The following CCDC25 variants were observed in gnomAD, a reference collection of about 807,000 sequenced individuals.
CCDC25 encodes coiled-coil domain-containing protein 25.
A neutral mutation model predicts 35.3 loss-of-function variants in CCDC25; 16 were observed. The ratio of observed to expected loss-of-function variants is 0.45; its 90% CI spans 0.31 to 0.69. CCDC25 has a LOEUF of 0.69. CCDC25 is among the 30% of genes least tolerant of loss of function. CCDC25 has a pLI of 0.06. For synonymous variants in CCDC25, 79 were observed against 80.3 expected (o/e 0.98, Z 0.09); for missense variants, 179 against 250.7 (o/e 0.71, Z 1.93).
At chr8:27,772,415 G>T in intron 1 of CCDC25, 98 bp downstream of exon 1, 1 of 1,222,760 alleles carries the variant, frequency 8.2e-7, no homozygotes, top group African/African-American at 1.5e-5. Flanking sequence ...CATCCAGAAG[G>T]CATTTTAGAG....
chr8:27,764,453 G>GT (rs1377812085), intron 2 of CCDC25: 2 of 383,386 alleles, frequency 5.2e-6, no homozygotes, highest in African/African-American at 2.2e-5. Context: ...TTTTATTGTT[G>GT]TTTTTTGTAG....
intron 4 of CCDC25, 79 bp from the exon 5 acceptor site, chr8:27,752,666 C>T: frequency 9.6e-7 from 1 of 1,039,008 alleles, no homozygotes; most frequent in South Asian, 1.3e-5. Context: ...CATTTGCTGC[C>T]TTACCTACTA....
chr8:27,761,929 G>A (rs973314909), intron 3 of CCDC25, among the ~76,000 whole-genome samples: 11 of 152,148 alleles, frequency 7.2e-5, no homozygotes, highest in African/African-American at 2.7e-4. Flanking sequence ...CACATAAATT[G>A]TTTTAGAAAG....
chr8:27,770,381 C>T (rs775904425), intron 1 of CCDC25, among the ~76,000 whole-genome samples: 7 of 152,100 alleles, frequency 4.6e-5, no homozygotes, highest in Admixed American at 6.5e-5. Context: ...AAGCTGAGAT[C>T]GTGCCACTGC....
At chr8:27,767,368 GA>G (rs1804435385) in intron 1 of CCDC25, among the ~76,000 whole-genome samples, 1 of 151,936 alleles carries the variant, frequency 6.6e-6, no homozygotes, top group Non-Finnish European at 1.5e-5. Flanking sequence ...TCTCAAAAAA[GA>G]AAAAATAATA....
At position 27,736,183 on chromosome 8, in the gene CCDC25, A is replaced by G; in HGVS notation, c.*33T>C. ...GGTCTGCAATTGTCTCTACATTCAC[A>G]TCTTTCAAAGGTCCTTTTCTCCTTT... On this transcript the variant is annotated 3_prime_UTR_variant, in exon 9 of 9. Coordinates refer to ENST00000356537, the MANE Select transcript of CCDC25 (RefSeq NM_018246.3). 1 of 1,601,332 alleles carries G rather than the reference A, an allele frequency of 6.2e-7. No individual in the cohort carries two copies. Among genetic ancestry groups the G allele is most frequent in the East Asian group, 2.2e-5 (1 of 44,502 alleles).
Position 27,737,358 on chromosome 8 carries a change from G to C in CCDC25, c.598-1113C>G, listed in dbSNP as rs544433948. On this transcript the variant is annotated intron_variant, in intron 8 of 8. Transcript: ENST00000356537. This position sits in a 1 kb window ranked among gnomAD's most constrained non-coding sequence, Gnocchi z 4.6. Reference sequence around the variant, plus strand: ...CCAGCTTTAGATCCCAAACACTGAGGATGAACAACTCAGTAAGACAGTCTG... The same window carrying C: ...CCAGCTTTAGATCCCAAACACTGAGCATGAACAACTCAGTAAGACAGTCTG... Among the ~76,000 whole-genome samples the C allele has an allele frequency of 3.3e-5, 5 of 152,226 alleles. No individual in the cohort carries two copies. Among genetic ancestry groups the C allele is most frequent in the Non-Finnish European group, 5.9e-5 (4 of 68,018 alleles).
Position 27,733,711 on chromosome 8 carries a change from C to T in CCDC25, c.*2505G>A, listed in dbSNP as rs555509487. The T allele has an allele frequency of 4.6e-5, 7 of 152,340 alleles. No homozygotes were observed. Among genetic ancestry groups the T allele is most frequent in the Non-Finnish European group, 1.0e-4 (7 of 68,042 alleles). 9.4% of individuals were successfully genotyped at this position (152,340 alleles called of 1,614,324 possible). Reference sequence around the variant, plus strand: ...TTTGAATATGGAAATTTGTTATTTACATGCTGTACCTCAAATCAAAGAAAA... The same window carrying T: ...TTTGAATATGGAAATTTGTTATTTATATGCTGTACCTCAAATCAAAGAAAA... On this transcript the variant is annotated 3_prime_UTR_variant, in exon 9 of 9. Transcript: ENST00000356537.
rs1490251239 is a variant in CCDC25 at position 27,772,619 on chromosome 8, C to A, written c.-79G>T. 1 of 1,447,964 alleles carries A rather than the reference C, an allele frequency of 6.9e-7. No homozygotes were observed. The highest frequency in any genetic ancestry group is 1.2e-5 in the South Asian group (1 of 81,376). 89.7% of individuals were successfully genotyped at this position (1,447,964 alleles called of 1,614,324 possible). ...GAAGCTCAGGATACCAGACTCGCGGCGGCCGCCTGGCCCCCGGAACTCCTC... is the reference window on the plus strand; with the variant it reads ...GAAGCTCAGGATACCAGACTCGCGGAGGCCGCCTGGCCCCCGGAACTCCTC... On this transcript the variant is annotated 5_prime_UTR_variant, in exon 1 of 9. Coordinates refer to ENST00000356537, the MANE Select transcript of CCDC25 (RefSeq NM_018246.3).
chr8:27,770,767 CA>C (rs1334015792), intron 1 of CCDC25, among the ~76,000 whole-genome samples: 2 of 149,450 alleles, frequency 1.3e-5, no homozygotes, highest in African/African-American at 4.9e-5. Context: ...AAAACAAAAA[CA>C]AAAAACTCAC....
chr8:27,742,884 A>G (rs960408779), intron 7 of CCDC25, among the ~76,000 whole-genome samples: 18 of 152,142 alleles, frequency 1.2e-4, no homozygotes, highest in Non-Finnish European at 2.5e-4. Context: ...AAACAAAACA[A>G]AAAAACAAAC....
chr8:27,735,829 T>G lies in CCDC25; in HGVS notation c.*387A>C, dbSNP rs932425487. 1.9e-5 allele frequency: 3 copies of G among 162,000 alleles called. No individual in the cohort carries two copies. Among genetic ancestry groups the G allele is most frequent in the Non-Finnish European group, 4.0e-5 (3 of 74,980 alleles). 10.0% of individuals were successfully genotyped at this position (162,000 alleles called of 1,614,324 possible). A position where few individuals can be genotyped will look rare whatever the true frequency, so the allele number is the denominator to read the frequency against. ...TGTTCTTCTTAACAGAAGTGAAGAT[T>G]ATTTTAAGAATATGAAAAGTGTTTC... On this transcript the variant is annotated 3_prime_UTR_variant, in exon 9 of 9. Transcript: ENST00000356537.
intron 3 of CCDC25, 52 bp downstream of exon 3, chr8:27,762,367 C>T (rs963143121): frequency 3.1e-5 from 47 of 1,531,294 alleles, no homozygotes; most frequent in African/African-American, 4.1e-5. Flanking sequence ...TTGGCCAAGT[C>T]TAAGAAAGGA....
intron 1 of CCDC25, among the ~76,000 whole-genome samples, chr8:27,770,002 C>T (rs972166484): frequency 2.6e-5 from 4 of 151,950 alleles, no homozygotes; most frequent in African/African-American, 9.7e-5. Context: ...AAATTAGCCA[C>T]GCATGGTGGC....
intron 7 of CCDC25, among the ~76,000 whole-genome samples, chr8:27,746,529 C>CA (rs1199477018): frequency 2.6e-5 from 4 of 152,114 alleles, no homozygotes; most frequent in African/African-American, 9.7e-5. Flanking sequence ...CCGTAAAGGG[C>CA]ACTAAAAGGC....
At chr8:27,742,608 TA>T (rs201899441) in intron 7 of CCDC25, among the ~76,000 whole-genome samples, 3,676 of 152,346 alleles carry the variant, frequency 0.024, 68 homozygotes, top group Admixed American at 0.063. Context: ...CTCACACCTG[TA>T]ATCCCAGCAC....
chr8:27,772,258 G>C (rs1804650519), intron 1 of CCDC25, among the ~76,000 whole-genome samples: 1 of 152,342 alleles, frequency 6.6e-6, no homozygotes, highest in Non-Finnish European at 1.5e-5. Flanking sequence ...TCCGATTAGG[G>C]GACGAGAACT....
intron 7 of CCDC25, among the ~76,000 whole-genome samples, chr8:27,742,738 A>C (rs995226489): frequency 2.0e-5 from 3 of 152,156 alleles, no homozygotes; most frequent in Non-Finnish European, 4.4e-5. Context: ...GTGGTTGTGC[A>C]TGCCTGTAAT....
chr8:27,750,024 A>G (rs1452915941), intron 5 of CCDC25, among the ~76,000 whole-genome samples: 2 of 152,266 alleles, frequency 1.3e-5, no homozygotes, highest in African/African-American at 4.8e-5. Context: ...TTTCTTTAGA[A>G]AATCTCCATG....
Sources: allele counts gnomAD v4.1 joint callset (sites outside exome capture counted in the v4.1 genomes callset), GRCh38; gene constraint gnomAD v4.1.1; non-coding constraint Gnocchi (gnomAD v3.1); transcripts MANE v1.5; gene names NCBI Gene and HGNC (gene_info 2026-07-23, HGNC 2026-07-21).